Variants in R3HCC1L observed in about 807,000 individuals in gnomAD.
The protein encoded by R3HCC1L is R3H domain and coiled-coil containing 1 like, also known as coiled-coil domain-containing protein R3HCC1L.
R3HCC1L carries 51 observed loss-of-function variants against 59.9 expected under a neutral mutation model. That is an observed-to-expected ratio of 0.85 (90% CI 0.68 to 1.07). The LOEUF is 1.07. Among genes scored for constraint, R3HCC1L ranks in the 50% least tolerant of loss-of-function variants. The pLI, the probability that R3HCC1L is intolerant of heterozygous loss-of-function variation, is 0.00. For missense variants in R3HCC1L, 965 were observed against 933.0 expected, an observed-to-expected ratio of 1.03 and a Z score of -0.45; for synonymous variants, 322 against 315.2, an observed-to-expected ratio of 1.02 and a Z score of -0.23.
At chr10:98,240,066 G>T (rs2135749986) in intron 9 of R3HCC1L, among the ~76,000 whole-genome samples, 1 of 152,242 alleles carries the variant, frequency 6.6e-6, no homozygotes, top group South Asian at 2.1e-4. Context: ...AGCATTTTGG[G>T]ATGCCAAAGT....
At chr10:98,165,225 G>T (rs988866919) in intron 4 of R3HCC1L, among the ~76,000 whole-genome samples, 4 of 152,212 alleles carry the variant, frequency 2.6e-5, no homozygotes, top group African/African-American at 9.7e-5. Flanking sequence ...GATTGCGCCA[G>T]TGCACTTCCA....
Position 98,208,446 on chromosome 10 carries a change from C to G in R3HCC1L, c.332C>G (p.Thr111Ser), listed in dbSNP as rs1201095228. The change falls in exon 5 of 10, where the codon ACT becomes AGT. Residue 111 changes from threonine to serine, a missense_variant. Transcript: ENST00000298999. The part of the protein sequence containing the change: ...TNRVCSKRGT[T>S]ESKEVLSQGQ... ...AGAGTTTGTTCTAAGAGAGGAACCACTGAATCCAAAGAAGTATTATCCCAA... is the reference window on the plus strand; with the variant it reads ...AGAGTTTGTTCTAAGAGAGGAACCAGTGAATCCAAAGAAGTATTATCCCAA... The G allele has an allele frequency of 6.2e-7, 1 of 1,614,132 alleles. No individual in the cohort carries two copies. The highest frequency in any genetic ancestry group is 8.5e-7 in the Non-Finnish European group (1 of 1,180,014).
intron 4 of R3HCC1L, among the ~76,000 whole-genome samples, chr10:98,197,539 C>A (rs1851575228): frequency 6.6e-6 from 1 of 152,102 alleles, no homozygotes; most frequent in Non-Finnish European, 1.5e-5. Flanking sequence ...TTCCATGAGG[C>A]CAGGAGCTTT....
intron 4 of R3HCC1L, among the ~76,000 whole-genome samples, chr10:98,187,788 G>A (rs1850382708): frequency 6.9e-6 from 1 of 145,764 alleles, no homozygotes; most frequent in Non-Finnish European, 1.5e-5. Context: ...CCAGGATGGA[G>A]TGCATTGGTC....
chr10:98,199,872 T>C (rs1851850531), intron 4 of R3HCC1L, among the ~76,000 whole-genome samples: 1 of 152,090 alleles, frequency 6.6e-6, no homozygotes, highest in Non-Finnish European at 1.5e-5. Context: ...TGATGTGATA[T>C]CTTCCTGGCA....
Position 98,231,662 on chromosome 10 carries a change from C to A in R3HCC1L, c.1936C>A (p.Leu646Ile), listed in dbSNP as rs150584310. ...TCCCCAAGAATTTCATACTGAAGAC[C>A]TTCTACGGGTTTTCTGCAGTTATCA... is the stretch of plus-strand genomic sequence containing the variant. ...DFPQEFHTED[L>I]LRVFCSYQKK... Residue 646 changes from leucine to isoleucine, a missense_variant, in exon 6 of 10, where the codon CTT (leucine) becomes ATT (isoleucine). Leu to Ile is a conservative substitution (Grantham distance 5). Transcript: ENST00000298999. 78 of 1,610,656 alleles carry A rather than the reference C, an allele frequency of 4.8e-5. No individual in the cohort carries two copies. Among genetic ancestry groups the A allele is most frequent in the Non-Finnish European group, 6.5e-5 (77 of 1,177,958 alleles).
chr10:98,206,327 TAAA>T (rs370980212), intron 4 of R3HCC1L, among the ~76,000 whole-genome samples: 2 of 136,502 alleles, frequency 1.5e-5, no homozygotes, highest in African/African-American at 2.7e-5. Context: ...TTTGATTCTT[TAAA>T]AAAAAAAAAA....
chr10:98,163,353 A>G lies in R3HCC1L; in HGVS notation c.-59A>G. On this transcript the variant is annotated 5_prime_UTR_variant, in exon 4 of 10. It removes an upstream start codon present in the reference 5' UTR. Transcript: ENST00000298999. ...TTGCCTTCAGAGACAGTCTATCGGC[A>G]TGTTGTAGAGTTTTATTACTAAGAA... The G allele has an allele frequency of 7.6e-7, 1 of 1,310,206 alleles. No individual in the cohort carries two copies. Among genetic ancestry groups the G allele is most frequent in the Non-Finnish European group, 1.0e-6 (1 of 1,000,164 alleles). 81.2% of individuals were successfully genotyped at this position (1,310,206 alleles called of 1,614,324 possible).
intron 4 of R3HCC1L, among the ~76,000 whole-genome samples, chr10:98,174,168 C>T (rs961029591): frequency 6.6e-6 from 1 of 152,100 alleles, no homozygotes; most frequent in Non-Finnish European, 1.5e-5. Flanking sequence ...CTTCAGGATT[C>T]CATTTCTTAC....
chr10:98,149,378 C>A (rs1307116786), intron 1 of R3HCC1L, among the ~76,000 whole-genome samples: 1 of 151,800 alleles, frequency 6.6e-6, no homozygotes, highest in Non-Finnish European at 1.5e-5. Context: ...TTTATTATTT[C>A]TTTCCTTCTA....
Position 98,208,487 on chromosome 10 carries a change from GC to G in R3HCC1L, c.377del (p.Pro126GlnfsTer6), listed in dbSNP as rs1463463677. On this transcript the variant is annotated frameshift_variant, in exon 5 of 10. Coordinates refer to ENST00000298999, the MANE Select transcript of R3HCC1L (RefSeq NM_001351015.2). LOFTEE classifies it high-confidence loss of function. ...EVLSQGQQQGAPNAGVITNAP... is the reference protein window; with the variant it reads ...EVLSQGQQQGXPNAGVITNAP... ...ATTATCCCAAGGACAACAGCAGGGAGCCCCAAATGCTGGGGTTATAACTAAT... is the reference window on the plus strand; with the variant it reads ...ATTATCCCAAGGACAACAGCAGGGAGCCCAAATGCTGGGGTTATAACTAAT... 1 of 1,614,058 alleles carries G rather than the reference GC, an allele frequency of 6.2e-7. No homozygotes were observed. The highest frequency in any genetic ancestry group is 8.5e-7 in the Non-Finnish European group (1 of 1,180,014).
intron 4 of R3HCC1L, among the ~76,000 whole-genome samples, chr10:98,200,130 GGATGTTGCTGTGA>G (rs1851881905): frequency 6.6e-6 from 1 of 152,068 alleles, no homozygotes; most frequent in African/African-American, 2.4e-5. Context: ...CAGAATCAAA[GGATGTTGCTGTGA>G]GATGAGCATT....
At chr10:98,167,639 A>AT (rs1272310153) in intron 4 of R3HCC1L, among the ~76,000 whole-genome samples, 10 of 152,218 alleles carry the variant, frequency 6.6e-5, no homozygotes, top group Admixed American at 6.5e-4. Flanking sequence ...CCCCAACATA[A>AT]TTTTTAGAAG....
At chr10:98,165,759 C>T (rs530430679) in intron 4 of R3HCC1L, among the ~76,000 whole-genome samples, 1 of 152,296 alleles carries the variant, frequency 6.6e-6, no homozygotes, top group South Asian at 2.1e-4. Flanking sequence ...GTTTGTGTTC[C>T]CCCTAAACTC....
intron 4 of R3HCC1L, among the ~76,000 whole-genome samples, chr10:98,193,471 G>A (rs1851085660): frequency 6.6e-6 from 1 of 152,030 alleles, no homozygotes. Context: ...GTGTTTCTGT[G>A]CACTAACAAT....
intron 9 of R3HCC1L, among the ~76,000 whole-genome samples, chr10:98,238,116 TATGGTAA>T (rs1432991839): frequency 1.3e-5 from 2 of 152,222 alleles, no homozygotes; most frequent in Non-Finnish European, 2.9e-5. Context: ...TAATGAGTTA[TATGGTAA>T]GTGTTAGCTG....
rs1471353777 is a variant in R3HCC1L, at chr10:98,209,329, C to T, written c.1215C>T (p.Thr405=). The T allele has an allele frequency of 6.2e-7, 1 of 1,613,910 alleles. No homozygotes were observed. Among genetic ancestry groups the T allele is most frequent in the South Asian group, 1.1e-5 (1 of 91,070 alleles). Residue 405 remains threonine, a synonymous_variant, in exon 5 of 10, where the codon ACC becomes ACT. Coordinates refer to ENST00000298999, the MANE Select transcript of R3HCC1L (RefSeq NM_001351015.2). ...TTGCAGTTAGAATAGCTGATGAGAC[C>T]TCTATTAATACACGAAGTTTCTCAA... ...YVVAVRIADE[T]SINTRSFSKF...
chr10:98,199,124 C>G (rs1320709417), intron 4 of R3HCC1L, among the ~76,000 whole-genome samples: 4 of 152,086 alleles, frequency 2.6e-5, no homozygotes, highest in Admixed American at 1.3e-4. Flanking sequence ...ACTAACTACA[C>G]TTCAAGTGCT....
intron 5 of R3HCC1L, among the ~76,000 whole-genome samples, chr10:98,223,183 A>G (rs1378025199): frequency 6.6e-6 from 1 of 152,246 alleles, no homozygotes; most frequent in Admixed American, 6.5e-5. Context: ...TCCCTAACTC[A>G]TTTTATGAGG....
Sources: allele counts gnomAD v4.1 joint callset (sites outside exome capture counted in the v4.1 genomes callset), GRCh38; gene constraint gnomAD v4.1.1; transcripts MANE v1.5; gene names NCBI Gene and HGNC (gene_info 2026-07-23, HGNC 2026-07-21).